BCL2L1: variants seen among roughly 807,000 people sequenced by gnomAD.
BCL2L1 encodes the protein bcl-2-like protein 1.
BCL2L1 carries 1 observed loss-of-function variant against 18.7 expected under a neutral mutation model. That is an observed-to-expected ratio of 0.05 (90% CI 0.02 to 0.25). The LOEUF (loss-of-function observed/expected upper bound fraction) is 0.25, where lower values mean the gene tolerates loss of function less well. Among genes scored for constraint, BCL2L1 ranks in the 10% least tolerant of loss-of-function variants. The pLI is 1.00. For synonymous variants in BCL2L1, 103 were observed against 122.7 expected (o/e 0.84, Z 1.06); for missense variants, 207 against 304.9 (o/e 0.68, Z 2.39).
chr20:31,723,825 G>A (rs1380595767), upstream of BCL2L1: 1 of 985,440 alleles, frequency 1.0e-6, no homozygotes, highest in South Asian at 4.7e-5. Flanking sequence ...CGAGTTCCGC[G>A]CCGCGGACCC....
chr20:31,675,992 CT>C (rs1391091075), intron 2 of BCL2L1, among the ~76,000 whole-genome samples: 6 of 152,206 alleles, frequency 3.9e-5, no homozygotes, highest in African/African-American at 1.4e-4. Context: ...ACTTGCATTT[CT>C]CAGAAAAGGA....
At chr20:31,670,631 A>T (rs746343733) in intron 2 of BCL2L1, among the ~76,000 whole-genome samples, 2 of 151,984 alleles carry the variant, frequency 1.3e-5, no homozygotes, top group Non-Finnish European at 2.9e-5. Context: ...CCCAGCTTCC[A>T]CTCATGTGTT....
intron 2 of BCL2L1, among the ~76,000 whole-genome samples, chr20:31,694,242 CT>C (rs2061131671): frequency 6.6e-6 from 1 of 151,252 alleles, no homozygotes; most frequent in African/African-American, 2.4e-5. Flanking sequence ...GGGTGGTGGG[CT>C]TCTGTCAGAG....
At chr20:31,676,501 T>C (rs1203467904) in intron 2 of BCL2L1, among the ~76,000 whole-genome samples, 1 of 152,148 alleles carries the variant, frequency 6.6e-6, no homozygotes, top group Non-Finnish European at 1.5e-5. Context: ...GGGATTCCGA[T>C]GCCTCCCGTC....
chr20:31,679,073 T>G (rs776788159), intron 2 of BCL2L1, among the ~76,000 whole-genome samples: 3 of 152,258 alleles, frequency 2.0e-5, no homozygotes, highest in Non-Finnish European at 4.4e-5. Context: ...AACATTGATC[T>G]GCACCAGACA....
At chr20:31,708,997 C>A (rs11908088) in intron 2 of BCL2L1, among the ~76,000 whole-genome samples, 1,893 of 152,322 alleles carry the variant, frequency 0.012, 34 homozygotes, top group African/African-American at 0.044. Flanking sequence ...GTTGCAGGTG[C>A]CTCTGGCTTT....
intron 2 of BCL2L1, among the ~76,000 whole-genome samples, chr20:31,679,177 T>C (rs1211424644): frequency 6.6e-6 from 1 of 152,068 alleles, no homozygotes; most frequent in African/African-American, 2.4e-5. Flanking sequence ...CCTGAGATGG[T>C]GAGAAGAGGG....
At chr20:31,723,479 A>C, upstream of BCL2L1, 1 of 985,264 alleles carries the variant, frequency 1.0e-6, no homozygotes. Context: ...ACCTCTCCGG[A>C]GCCCAGGGTG....
chr20:31,698,672 G>A (rs1229342195), intron 2 of BCL2L1, among the ~76,000 whole-genome samples: 2 of 152,038 alleles, frequency 1.3e-5, no homozygotes, highest in African/African-American at 2.4e-5. Context: ...CCGAGTAGCT[G>A]GGAATACAGG....
At chr20:31,694,032 A>G (rs904366688) in intron 2 of BCL2L1, among the ~76,000 whole-genome samples, 2 of 152,002 alleles carry the variant, frequency 1.3e-5, no homozygotes, top group Admixed American at 1.3e-4. Flanking sequence ...CAGTGTCCGA[A>G]GGGTTAAGCC....
chr20:31,683,248 C>T (rs2060894295), intron 2 of BCL2L1, among the ~76,000 whole-genome samples: 1 of 152,220 alleles, frequency 6.6e-6, no homozygotes, highest in Non-Finnish European at 1.5e-5. Context: ...TCAAACATGC[C>T]AGGCACACCA....
At chr20:31,668,164 C>T (rs949633505) in intron 2 of BCL2L1, among the ~76,000 whole-genome samples, 3 of 152,044 alleles carry the variant, frequency 2.0e-5, no homozygotes, top group Non-Finnish European at 4.4e-5. Flanking sequence ...GAGCACCTGA[C>T]CCCAGGTCGT....
intron 2 of BCL2L1, among the ~76,000 whole-genome samples, chr20:31,696,827 G>A (rs1264075397): frequency 1.3e-5 from 2 of 152,032 alleles, no homozygotes; most frequent in Non-Finnish European, 2.9e-5. Context: ...AAGCCGAGGC[G>A]GGTGGATCAT....
chr20:31,682,786 T>A (rs2060886576), intron 2 of BCL2L1, among the ~76,000 whole-genome samples: 1 of 152,170 alleles, frequency 6.6e-6, no homozygotes, highest in South Asian at 2.1e-4. Flanking sequence ...TTTACTTACT[T>A]TTTATAAATT....
rs1043257240 is a variant in BCL2L1 at position 31,665,006 on chromosome 20, G to A, written c.*943C>T. ...TCCTGCCCTTCCTGCCTGAGGTAGGGAAGACCCTGGGGCTCCCATAGCTGT... is the reference window on the plus strand; with the variant it reads ...TCCTGCCCTTCCTGCCTGAGGTAGGAAAGACCCTGGGGCTCCCATAGCTGT... On this transcript the variant is annotated 3_prime_UTR_variant, in exon 3 of 3. Coordinates refer to ENST00000307677, the MANE Select transcript of BCL2L1 (RefSeq NM_138578.3). 1.1e-4 allele frequency: 21 copies of A among 196,000 alleles called. No homozygotes were observed. The East Asian group carries it at 1.7e-3, about 15-fold the overall frequency. The allele number at this position is 196,000 out of a possible 1,614,324, so 12.1% of individuals were successfully genotyped here.
intron 2 of BCL2L1, among the ~76,000 whole-genome samples, chr20:31,710,252 T>C (rs545981109): frequency 1.1e-4 from 17 of 152,268 alleles, no homozygotes; most frequent in African/African-American, 4.1e-4. Context: ...CATGTAAACA[T>C]GGCGACCTCT....
chr20:31,723,209 C>T (rs2061665502), upstream of BCL2L1: 1 of 900,834 alleles, frequency 1.1e-6, no homozygotes, highest in Non-Finnish European at 1.3e-6. Flanking sequence ...CAACAAATGC[C>T]GCTGGTTTGC....
chr20:31,723,190 G>A (rs1171301597), upstream of BCL2L1: 2 of 740,878 alleles, frequency 2.7e-6, no homozygotes, highest in East Asian at 1.3e-4. Flanking sequence ...GTTGAAGGCC[G>A]GAGACCCCCA....
At chr20:31,697,532 G>A (rs2061195002) in intron 2 of BCL2L1, among the ~76,000 whole-genome samples, 1 of 151,908 alleles carries the variant, frequency 6.6e-6, no homozygotes, top group South Asian at 2.1e-4. Context: ...CCACCTCCCG[G>A]GTTCATGCCA....
Sources: allele counts gnomAD v4.1 joint callset (sites outside exome capture counted in the v4.1 genomes callset), GRCh38; gene constraint gnomAD v4.1.1; transcripts MANE v1.5; gene names NCBI Gene and HGNC (gene_info 2026-07-23, HGNC 2026-07-21).